PLEKHM3: variants seen among roughly 807,000 people sequenced by gnomAD.
PLEKHM3 encodes pleckstrin homology domain-containing family M member 3.
In PLEKHM3, 45 loss-of-function variants were observed where a neutral mutation model predicts 81.8. The observed-to-expected ratio is 0.55, with a 90% CI of 0.43 to 0.71. PLEKHM3 has a LOEUF of 0.71. Ranked by LOEUF, PLEKHM3 falls within the 30% of genes least tolerant of loss-of-function variation. The pLI, the probability that PLEKHM3 is intolerant of heterozygous loss-of-function variation, is 0.00. For synonymous variants in PLEKHM3, 352 were observed against 356.4 expected (o/e 0.99, Z 0.14); for missense variants, 788 against 924.3 (o/e 0.85, Z 1.91).
chr2:207,868,379 T>C (rs1440707653), intron 6 of PLEKHM3, among the ~76,000 whole-genome samples: 1 of 152,176 alleles, frequency 6.6e-6, no homozygotes, highest in Non-Finnish European at 1.5e-5. Context: ...CCAGAGGGGC[T>C]GGCCTTCGGG....
chr2:207,940,824 A>C (rs918520939), intron 4 of PLEKHM3, among the ~76,000 whole-genome samples: 1 of 152,236 alleles, frequency 6.6e-6, no homozygotes, highest in Non-Finnish European at 1.5e-5. Flanking sequence ...GATTCCCTAG[A>C]TGGATAAAAA....
chr2:207,841,331 G>C (rs1007417739), intron 7 of PLEKHM3, among the ~76,000 whole-genome samples: 2 of 150,692 alleles, frequency 1.3e-5, no homozygotes, highest in South Asian at 4.2e-4. Flanking sequence ...CGGGCTTGGT[G>C]ATGTTCACTT....
chr2:207,916,209 G>A (rs1688988500), intron 5 of PLEKHM3, among the ~76,000 whole-genome samples: 1 of 152,116 alleles, frequency 6.6e-6, no homozygotes, highest in Admixed American at 6.6e-5. Context: ...CAGGAAATAA[G>A]GGTCCTTTTA....
rs192358292 is a variant in PLEKHM3 at position 207,840,474 on chromosome 2, G to T, written c.2109-11978C>A. Among the ~76,000 whole-genome samples, 270 of 152,314 alleles carry T rather than the reference G, an allele frequency of 1.8e-3. 1 individual carries two copies. Among genetic ancestry groups the T allele is most frequent in the African/African-American group, 6.0e-3 (249 of 41,576 alleles). On this transcript the variant is annotated intron_variant, in intron 7 of 7. Coordinates refer to ENST00000427836, the MANE Select transcript of PLEKHM3 (RefSeq NM_001080475.3). ...GCCTCCCCATGTGTTGTGATAACAG[G>T]TGTGAGCCACCATGCCCAGCCAACT...
At chr2:207,853,184 G>A (rs2092421426) in intron 7 of PLEKHM3, among the ~76,000 whole-genome samples, 1 of 152,110 alleles carries the variant, frequency 6.6e-6, no homozygotes, top group Non-Finnish European at 1.5e-5. Flanking sequence ...TAGCACTTTG[G>A]GAGGCCAAGG....
At chr2:207,955,705 C>T (rs1690481686) in intron 3 of PLEKHM3, among the ~76,000 whole-genome samples, 1 of 152,198 alleles carries the variant, frequency 6.6e-6, no homozygotes, top group Non-Finnish European at 1.5e-5. Flanking sequence ...GGCAATGTGG[C>T]ATTTTCAGGT....
chr2:208,008,031 C>T (rs939551122), intron 1 of PLEKHM3, among the ~76,000 whole-genome samples: 20 of 151,476 alleles, frequency 1.3e-4, no homozygotes, highest in South Asian at 2.1e-4. Context: ...CCAGCCTGGG[C>T]GACAGAGTGA....
intron 7 of PLEKHM3, among the ~76,000 whole-genome samples, chr2:207,848,849 G>A (rs1268713063): frequency 2.0e-5 from 3 of 152,204 alleles, no homozygotes; most frequent in Non-Finnish European, 2.9e-5. Flanking sequence ...TCTGAAGTCC[G>A]GCCAGATGGA....
chr2:208,022,333 C>G (rs372388578), intron 1 of PLEKHM3, among the ~76,000 whole-genome samples: 117 of 152,306 alleles, frequency 7.7e-4, no homozygotes, highest in African/African-American at 2.6e-3. Context: ...TAAAACAACA[C>G]CTATTCATTT....
At chr2:207,855,569 G>A (rs2092433495) in intron 7 of PLEKHM3, among the ~76,000 whole-genome samples, 1 of 152,150 alleles carries the variant, frequency 6.6e-6, no homozygotes, top group Non-Finnish European at 1.5e-5. Context: ...CATGGAAAGA[G>A]GGGGAGGAAG....
chr2:207,893,298 C>A (rs1324851894), intron 6 of PLEKHM3, among the ~76,000 whole-genome samples: 5 of 152,214 alleles, frequency 3.3e-5, no homozygotes, highest in African/African-American at 1.2e-4. Flanking sequence ...TGGGCCAAAG[C>A]CAAGGAACAC....
At chr2:207,922,086 T>C (rs893618324) in intron 5 of PLEKHM3, among the ~76,000 whole-genome samples, 3 of 152,200 alleles carry the variant, frequency 2.0e-5, no homozygotes, top group African/African-American at 7.2e-5. Context: ...TCTGTACTAA[T>C]TTACATTCCC....
intron 3 of PLEKHM3, among the ~76,000 whole-genome samples, chr2:207,965,992 A>G (rs1690896256): frequency 6.6e-6 from 1 of 152,254 alleles, no homozygotes; most frequent in African/African-American, 2.4e-5. Flanking sequence ...AACCACACAG[A>G]GCAAAGTCAG....
chr2:207,882,796 A>G (rs773922426), intron 6 of PLEKHM3, among the ~76,000 whole-genome samples: 6 of 152,154 alleles, frequency 3.9e-5, no homozygotes, highest in African/African-American at 1.2e-4. Context: ...TGAACTACAC[A>G]TTCTCAGCCA....
chr2:207,895,974 T>C (rs541471121), intron 6 of PLEKHM3, among the ~76,000 whole-genome samples: 214 of 152,372 alleles, frequency 1.4e-3, no homozygotes, highest in Non-Finnish European at 2.6e-3. Flanking sequence ...TCCAGCCATT[T>C]GTCAGTTAGA....
In PLEKHM3 at chr2:207,959,555, C is replaced by G. The variant is rs74726672; in HGVS notation, c.1547-13043G>C. 8.5e-4 allele frequency among the ~76,000 whole-genome samples: 129 copies of G among 152,302 alleles called. No homozygotes were observed. The East Asian group carries it at 0.017, about 20-fold the overall frequency. On this transcript the variant is annotated intron_variant, in intron 3 of 7. Coordinates refer to ENST00000427836, the MANE Select transcript of PLEKHM3 (RefSeq NM_001080475.3). ...ATACAGTGTCCTACCAGGGTCCCCT[C>G]TGACTTCTCTTTCATGCCACTCCCC...
At chr2:207,987,264 A>G (rs1691759440) in intron 2 of PLEKHM3, among the ~76,000 whole-genome samples, 2 of 152,004 alleles carry the variant, frequency 1.3e-5, no homozygotes, top group African/African-American at 4.8e-5. Context: ...TCAAACACCT[A>G]CCAGCCCTAC....
intron 6 of PLEKHM3, among the ~76,000 whole-genome samples, chr2:207,875,911 T>TGG (rs1395669246): frequency 6.6e-6 from 1 of 152,232 alleles, no homozygotes; most frequent in Non-Finnish European, 1.5e-5. Context: ...ATAAGATAAC[T>TGG]CTGTTATGCA....
chr2:207,858,172 G>GTATATATATA (rs1245720060), intron 7 of PLEKHM3, among the ~76,000 whole-genome samples: 1 of 77,296 alleles, frequency 1.3e-5, no homozygotes, highest in African/African-American at 5.1e-5. Context: ...GTGTGTGTGT[G>GTATATATATA]TGTATATATT....
Sources: gnomAD v4.1 joint callset for allele counts (sites outside exome capture counted in the v4.1 genomes callset) on GRCh38, gnomAD v4.1.1 for gene constraint, MANE v1.5 for transcripts, NCBI Gene and HGNC (gene_info 2026-07-23, HGNC 2026-07-21) for gene names.